Variants in BEND7 observed in about 807,000 individuals in gnomAD.
BEND7 encodes the protein BEN domain-containing protein 7.
Under a neutral mutation model 50.9 loss-of-function variants are expected in BEND7, and 28 were observed. The ratio of observed to expected loss-of-function variants is 0.55; its 90% confidence interval spans 0.41 to 0.75. The LOEUF is 0.75. BEND7 is among the 30% of genes least tolerant of loss of function. The pLI is 0.00. For synonymous variants in BEND7, 170 were observed against 183.9 expected (o/e 0.92, Z 0.61); for missense variants, 477 against 491.3 (o/e 0.97, Z 0.28).
chr10:13,512,595 G>A (rs1172544630), intron 2 of BEND7, among the ~76,000 whole-genome samples: 2 of 152,310 alleles, frequency 1.3e-5, no homozygotes, highest in South Asian at 4.1e-4. Flanking sequence ...AAACTTCTAA[G>A]AGAGTCTTGA....
chr10:13,454,512 C>G (rs1300449225), intron 6 of BEND7, among the ~76,000 whole-genome samples: 2 of 152,010 alleles, frequency 1.3e-5, no homozygotes, highest in Non-Finnish European at 2.9e-5. Flanking sequence ...TCCAGCTACT[C>G]TGGAGGCTGA....
chr10:13,500,473 G>A (rs145568677), intron 2 of BEND7: 36 of 991,674 alleles, frequency 3.6e-5, no homozygotes, highest in Admixed American at 1.6e-4. Context: ...ACAGCCACCC[G>A]TGAGGAATGG....
intron 6 of BEND7, among the ~76,000 whole-genome samples, chr10:13,463,264 G>T (rs2073896323): frequency 6.6e-6 from 1 of 152,304 alleles, no homozygotes; most frequent in East Asian, 1.9e-4. Context: ...CCCATTTATG[G>T]GTTAGAAGAA....
At chr10:13,526,261 C>T (rs1250261174) in intron 1 of BEND7, 40 bp from the exon 2 acceptor site, 2 of 1,093,702 alleles carry the variant, frequency 1.8e-6, no homozygotes, top group Non-Finnish European at 2.4e-6. Context: ...ATCCTAAGGA[C>T]CTCAAGATAG....
intron 2 of BEND7, among the ~76,000 whole-genome samples, chr10:13,506,373 C>G (rs139956740): frequency 2.0e-4 from 30 of 152,274 alleles, no homozygotes; most frequent in African/African-American, 7.0e-4. Flanking sequence ...TCTTTTAACC[C>G]CTGGAAGAAG....
In BEND7 at chr10:13,528,591, GCGGCGGCAGCGGCA is replaced by G; in HGVS notation, c.-72_-59del. 5 of 852,112 alleles carry G rather than the reference GCGGCGGCAGCGGCA, an allele frequency of 5.9e-6. No individual in the cohort carries two copies. Among genetic ancestry groups the G allele is most frequent in the Non-Finnish European group, 7.0e-6 (5 of 715,038 alleles). 52.8% of individuals were successfully genotyped at this position (852,112 alleles called of 1,614,324 possible). On this transcript the variant is annotated 5_prime_UTR_variant, in exon 1 of 9. Transcript: ENST00000466271. ...GGCGGCGGCAGCGGCGGCAGCGGCA[GCGGCGGCAGCGGCA>G]GCGGCGGCGCGGGCTCGTGTCACCG... is the stretch of plus-strand genomic sequence containing the variant.
At chr10:13,455,164 T>C in intron 6 of BEND7, among the ~76,000 whole-genome samples, 1 of 151,950 alleles carries the variant, frequency 6.6e-6, no homozygotes, top group East Asian at 1.9e-4. Flanking sequence ...AGAGCAAGAC[T>C]CTGACTCAAA....
At chr10:13,470,806 G>C (rs1416043987) in intron 6 of BEND7, among the ~76,000 whole-genome samples, 1 of 152,154 alleles carries the variant, frequency 6.6e-6, no homozygotes, top group Non-Finnish European at 1.5e-5. Flanking sequence ...AAAACGTTTG[G>C]AGGTAAACTA....
chr10:13,459,356 G>C (rs1315328023), intron 6 of BEND7: 1 of 152,198 alleles, frequency 6.6e-6, no homozygotes, highest in Non-Finnish European at 1.5e-5. Context: ...TCTGAGATCT[G>C]ATGACTGTGG....
chr10:13,480,759 C>G, intron 6 of BEND7, 140 bp downstream of exon 6: 1 of 1,479,392 alleles, frequency 6.8e-7, no homozygotes, highest in Admixed American at 2.5e-5. Context: ...AGCTCACACC[C>G]GAAAGCCATG....
intron 8 of BEND7, chr10:13,442,093 G>C (rs1465538931): frequency 1.2e-5 from 3 of 259,360 alleles, no homozygotes; most frequent in African/African-American, 2.2e-5. Context: ...ACCTTGGACA[G>C]GGTAGTCAGG....
intron 2 of BEND7, among the ~76,000 whole-genome samples, chr10:13,504,198 G>A (rs2077697616): frequency 1.3e-5 from 2 of 152,196 alleles, no homozygotes; most frequent in South Asian, 2.1e-4. Flanking sequence ...AGCCGTAGAA[G>A]CTCGTTGAGT....
At chr10:13,469,259 G>T (rs946627393) in intron 6 of BEND7, among the ~76,000 whole-genome samples, 14 of 152,122 alleles carry the variant, frequency 9.2e-5, no homozygotes, top group African/African-American at 3.1e-4. Flanking sequence ...CCAAGAGCAG[G>T]ATGCAAGAAA....
chr10:13,514,320 C>A (rs899754585), intron 2 of BEND7, among the ~76,000 whole-genome samples: 1 of 152,206 alleles, frequency 6.6e-6, no homozygotes, highest in South Asian at 2.1e-4. Context: ...AAAACCACCA[C>A]CACTGATGTG....
chr10:13,509,030 G>T (rs1268679352), intron 2 of BEND7, among the ~76,000 whole-genome samples: 1 of 152,198 alleles, frequency 6.6e-6, no homozygotes, highest in African/African-American at 2.4e-5. Context: ...GGCACAAAGG[G>T]CTTGAGATGG....
At chr10:13,490,087 T>C (rs1180118848) in intron 5 of BEND7, among the ~76,000 whole-genome samples, 1 of 152,216 alleles carries the variant, frequency 6.6e-6, no homozygotes, top group East Asian at 1.9e-4. Context: ...TTGAAGACAG[T>C]GGCTGATCTG....
At chr10:13,504,057 T>C (rs2077683785) in intron 2 of BEND7, among the ~76,000 whole-genome samples, 1 of 152,186 alleles carries the variant, frequency 6.6e-6, no homozygotes. Flanking sequence ...AGAGGTTTCC[T>C]TGCACATTTG....
intron 6 of BEND7, among the ~76,000 whole-genome samples, chr10:13,473,214 C>T (rs1268393923): frequency 2.0e-5 from 3 of 152,146 alleles, no homozygotes; most frequent in African/African-American, 7.2e-5. Context: ...CAATACTCGT[C>T]ATCACTGTTA....
chr10:13,484,474 T>C (rs1487218669), intron 5 of BEND7, among the ~76,000 whole-genome samples: 1 of 152,256 alleles, frequency 6.6e-6, no homozygotes, highest in Non-Finnish European at 1.5e-5. Context: ...CTTTCTTTAA[T>C]TGTATCATTG....
Sources: gnomAD v4.1 joint callset for allele counts (sites outside exome capture counted in the v4.1 genomes callset) on GRCh38, gnomAD v4.1.1 for gene constraint, MANE v1.5 for transcripts, NCBI Gene and HGNC (gene_info 2026-07-23, HGNC 2026-07-21) for gene names.